Variants in ZNF211 observed in about 807,000 individuals in gnomAD.
ZNF211 encodes the protein zinc finger protein C2H2-25.
Under a neutral mutation model 12.1 loss-of-function variants are expected in ZNF211, and 18 were observed. The observed-to-expected ratio is 1.48, with a 90% CI of 1.03 to 2.20. The LOEUF is 2.20. Ranked by LOEUF, ZNF211 falls within the 30% of genes most tolerant of loss-of-function variation. ZNF211 has a pLI of 0.00. For synonymous variants in ZNF211, 249 were observed against 246.0 expected (o/e 1.01, Z -0.11); for missense variants, 677 against 703.1 (o/e 0.96, Z 0.42).
chr19:57,639,701 C>T (rs949932494), intron 3 of ZNF211, among the ~76,000 whole-genome samples: 2 of 152,006 alleles, frequency 1.3e-5, no homozygotes, highest in African/African-American at 4.8e-5. Flanking sequence ...GCTGAGATTA[C>T]AGGTGTGAGC....
chr19:57,634,758 A>G lies in ZNF211; in HGVS notation c.256+3A>G, dbSNP rs760607844. Reference sequence around the variant, plus strand: ...CTTTGCACTTACGTCCTCCCTGGGTAAGGCCCTCATACTCACCCTTGTGCC... The same window carrying G: ...CTTTGCACTTACGTCCTCCCTGGGTGAGGCCCTCATACTCACCCTTGTGCC... On this transcript the variant is annotated splice_donor_region_variant and intron_variant, in intron 3 of 3. Transcript: ENST00000240731. 2 of 1,588,910 alleles carry G rather than the reference A, an allele frequency of 1.3e-6. No homozygotes were observed. Among genetic ancestry groups the G allele is most frequent in the South Asian group, 2.3e-5 (2 of 87,540 alleles).
Position 57,641,731 on chromosome 19 carries a change from C to G in ZNF211, c.1284C>G (p.His428Gln). The G allele has an allele frequency of 6.2e-7, 1 of 1,613,818 alleles. No homozygotes were observed. Among genetic ancestry groups the G allele is most frequent in the Non-Finnish European group, 8.5e-7 (1 of 1,179,976 alleles). ...SFSRSSSLIH[H>Q]RRLHTGERPY... ...GCCGAAGCTCCAGCCTCATTCACCA[C>G]CGGAGACTTCACACTGGAGAAAGAC... The change falls in exon 4 of 4, where the codon CAC becomes CAG. Residue 428 changes from histidine (H) to glutamine (Q), a missense_variant. By Grantham distance (24) the His-to-Gln change is conservative (BLOSUM62 0). Coordinates refer to ENST00000240731, the MANE Select transcript of ZNF211 (RefSeq NM_006385.5).
intron 3 of ZNF211, among the ~76,000 whole-genome samples, chr19:57,638,303 GTCTTTATTATT>G (rs1455342274): frequency 5.9e-5 from 9 of 151,422 alleles, no homozygotes; most frequent in African/African-American, 1.5e-4. Context: ...CTAGACTTTA[GTCTTTATTATT>G]TTTTTCCTGC....
At chr19:57,634,120 CAGAT>C (rs959431287) in intron 2 of ZNF211, 59 bp downstream of exon 2, 28 of 1,488,058 alleles carry the variant, frequency 1.9e-5, no homozygotes, top group Non-Finnish European at 2.4e-5. Context: ...CCTCCCCAGA[CAGAT>C]ATTTTCTTTA....
Position 57,641,550 on chromosome 19 carries a change from A to AC in ZNF211, c.1105dup (p.Leu369ProfsTer15). On this transcript the variant is annotated frameshift_variant, in exon 4 of 4. Coordinates refer to ENST00000240731, the MANE Select transcript of ZNF211 (RefSeq NM_006385.5). LOFTEE classifies it low-confidence loss of function (END_TRUNC). ...GGGAAATCTTTTAGCCAAAGGTCCA[A>AC]CCTCATGCAGCATCGCAGAGTTCAC... The AC allele has an allele frequency of 6.2e-7, 1 of 1,613,756 alleles. No homozygotes were observed. The highest frequency in any genetic ancestry group is 8.5e-7 in the Non-Finnish European group (1 of 1,179,946).
Position 57,633,866 on chromosome 19 carries a change from A to G in ZNF211, c.91-157A>G, listed in dbSNP as rs770791492. On this transcript the variant is annotated intron_variant, in intron 1 of 3. Transcript: ENST00000240731. Reference sequence around the variant, plus strand: ...AGGTTGAATATTTTTCCAAGGCCACACAACTGGTGAGAGGCAGCACTAAGG... The same window carrying G: ...AGGTTGAATATTTTTCCAAGGCCACGCAACTGGTGAGAGGCAGCACTAAGG... 10 of 1,604,724 alleles carry G rather than the reference A, an allele frequency of 6.2e-6. No individual in the cohort carries two copies. In the Admixed American group the frequency reaches 1.5e-4, roughly 24 times the overall value.
At position 57,641,649 on chromosome 19, in the gene ZNF211, A is replaced by G. The variant is rs1309391708; in HGVS notation, c.1202A>G (p.Gln401Arg). ...FSQNFSLIYHQRVHTGERPHE... is the reference protein window; with the variant it reads ...FSQNFSLIYHRRVHTGERPHE... ...CAAAACTTTAGCCTGATCTACCACC[A>G]GAGAGTTCACACTGGAGAAAGACCT... The change falls in exon 4 of 4, where the codon CAG becomes CGG. Residue 401 changes from glutamine (Q) to arginine (R), a missense_variant. Transcript: ENST00000240731. 1.9e-6 allele frequency: 3 copies of G among 1,613,314 alleles called. No individual in the cohort carries two copies. The highest frequency in any genetic ancestry group is 2.2e-5 in the South Asian group (2 of 90,988).
At position 57,638,591 on chromosome 19, in the gene ZNF211, G is replaced by C. The variant is rs189522663; in HGVS notation, c.257-2113G>C. ...ACCTCATCCCACTGTGGTTGGAGAAGATACTTTGTATGATGTGTGTCTAAA... is the reference window on the plus strand; with the variant it reads ...ACCTCATCCCACTGTGGTTGGAGAACATACTTTGTATGATGTGTGTCTAAA... On this transcript the variant is annotated intron_variant, in intron 3 of 3. Transcript: ENST00000240731. Among the ~76,000 whole-genome samples the C allele has an allele frequency of 2.1e-3, 314 of 152,308 alleles. 4 individuals are homozygous for C. The highest frequency in any genetic ancestry group is 7.3e-3 in the African/African-American group (302 of 41,544).
In ZNF211 at chr19:57,643,790, A is replaced by T. The variant is rs974152134; in HGVS notation, c.*1609A>T. Among the ~76,000 whole-genome samples the T allele has an allele frequency of 1.8e-4, 28 of 152,254 alleles. No individual in the cohort carries two copies. The highest frequency in any genetic ancestry group is 6.5e-4 in the African/African-American group (27 of 41,534). ...GCCCTCAAGGCAACCATTGATTTAT[A>T]CCTTCATTTATAATAGGTTTGTTTG... On this transcript the variant is annotated 3_prime_UTR_variant, in exon 4 of 4. Coordinates refer to ENST00000240731, the MANE Select transcript of ZNF211 (RefSeq NM_006385.5).
At chr19:57,634,986 C>G (rs1478130654) in intron 3 of ZNF211, 1 of 984,156 alleles carries the variant, frequency 1.0e-6, no homozygotes, top group Non-Finnish European at 1.2e-6. Context: ...ATAGATCCCA[C>G]CTGACTTGCC....
chr19:57,642,446 T>G lies in ZNF211; in HGVS notation c.*265T>G, dbSNP rs1983104344. On this transcript the variant is annotated 3_prime_UTR_variant, in exon 4 of 4. Transcript: ENST00000240731. ...CGTATCATGTCTACCACCTGTGAGGTCCACACAGTGTGTATCATTTACCTC... is the reference window on the plus strand; with the variant it reads ...CGTATCATGTCTACCACCTGTGAGGGCCACACAGTGTGTATCATTTACCTC... 1 of 433,320 alleles carries G rather than the reference T, an allele frequency of 2.3e-6. No individual in the cohort carries two copies. The highest frequency in any genetic ancestry group is 4.1e-6 in the Non-Finnish European group (1 of 241,182). 26.8% of individuals were successfully genotyped at this position (433,320 alleles called of 1,614,324 possible).
At chr19:57,637,308 A>G in intron 3 of ZNF211, among the ~76,000 whole-genome samples, 1 of 149,402 alleles carries the variant, frequency 6.7e-6, no homozygotes, top group East Asian at 2.0e-4. Flanking sequence ...TTTTTTTTGC[A>G]TATGGATTTT....
Position 57,641,781 on chromosome 19 carries a change from A to C in ZNF211, c.1334A>C (p.Lys445Thr). The change falls in exon 4 of 4, where the codon AAG (lysine) becomes ACG (threonine). Residue 445 changes from lysine to threonine, a missense_variant. Coordinates refer to ENST00000240731, the MANE Select transcript of ZNF211 (RefSeq NM_006385.5). ...ERPYECSKCG[K>T]SFKQSSSFSS... Reference sequence around the variant, plus strand: ...CCCTATGAGTGCAGTAAATGTGGGAAGTCATTTAAGCAAAGCTCCAGCTTC... The same window carrying C: ...CCCTATGAGTGCAGTAAATGTGGGACGTCATTTAAGCAAAGCTCCAGCTTC... The C allele has an allele frequency of 1.2e-6, 2 of 1,614,074 alleles. No individual in the cohort carries two copies. Among genetic ancestry groups the C allele is most frequent in the South Asian group, 2.2e-5 (2 of 91,076 alleles).
At chr19:57,639,138 T>C (rs935954153) in intron 3 of ZNF211, among the ~76,000 whole-genome samples, 2 of 152,104 alleles carry the variant, frequency 1.3e-5, no homozygotes, top group East Asian at 3.9e-4. Flanking sequence ...AGTTGGATCA[T>C]GGGTTGTTTT....
chr19:57,641,519 G>T lies in ZNF211; in HGVS notation c.1072G>T (p.Glu358Ter), dbSNP rs769749774. The T allele has an allele frequency of 6.2e-7, 1 of 1,614,112 alleles. No homozygotes were observed. The highest frequency in any genetic ancestry group is 1.7e-5 in the Admixed American group (1 of 60,010). Residue 358 changes from glutamate to a stop codon, truncating the protein, a stop_gained, in exon 4 of 4, where the codon GAA becomes TAA. Transcript: ENST00000240731. LOFTEE classifies it low-confidence loss of function (END_TRUNC). The part of the protein sequence containing the change: ...HTGERPYECG[E>*]CGKSFSQRSN... ...TGGAGAAAGGCCTTATGAATGTGGG[G>T]AATGTGGGAAATCTTTTAGCCAAAG...
chr19:57,639,215 A>G (rs1208135322), intron 3 of ZNF211, among the ~76,000 whole-genome samples: 2 of 151,874 alleles, frequency 1.3e-5, no homozygotes, highest in East Asian at 1.9e-4. Context: ...GGAGCATTTA[A>G]GGCATTTACG....
chr19:57,641,453 A>G lies in ZNF211; in HGVS notation c.1006A>G (p.Ser336Gly). 1 of 1,611,000 alleles carries G rather than the reference A, an allele frequency of 6.2e-7. No individual in the cohort carries two copies. Among genetic ancestry groups the G allele is most frequent in the Non-Finnish European group, 8.5e-7 (1 of 1,177,888 alleles). Residue 336 changes from serine (S) to glycine (G), a missense_variant, in exon 4 of 4, where the codon AGT becomes GGT. By Grantham distance (56) the Ser-to-Gly change is moderately conservative. Coordinates refer to ENST00000240731, the MANE Select transcript of ZNF211 (RefSeq NM_006385.5). Reference protein sequence around the residue: ...YACPECGKSFSQIYSLNSHRK... With the variant: ...YACPECGKSFGQIYSLNSHRK... ...GTGCCCTGAATGTGGGAAATCGTTT[A>G]GTCAGATATACAGCCTCAATAGCCA...
rs1981682840 is a variant in ZNF211 at position 57,633,395 on chromosome 19, C to T, written c.49C>T (p.Pro17Ser). The T allele has an allele frequency of 1.2e-6, 2 of 1,605,074 alleles. No homozygotes were observed. The highest frequency in any genetic ancestry group is 1.1e-5 in the South Asian group (1 of 90,436). The change falls in exon 1 of 4, where the codon CCA becomes TCA. Residue 17 changes from proline (P) to serine (S), a missense_variant. Physicochemically the swap from Pro to Ser is moderately conservative, Grantham distance 74 (BLOSUM62 -1). Coordinates refer to ENST00000240731, the MANE Select transcript of ZNF211 (RefSeq NM_006385.5). ...GRPQLPVQLR[P>S]QTRMATALRD... Reference sequence around the variant, plus strand: ...CCCGCAGCTCCCGGTCCAGCTCCGCCCACAGACTCGGATGGCGACCGCACT... The same window carrying T: ...CCCGCAGCTCCCGGTCCAGCTCCGCTCACAGACTCGGATGGCGACCGCACT...
chr19:57,643,673 A>T lies in ZNF211; in HGVS notation c.*1492A>T, dbSNP rs1983213723. 6.6e-6 allele frequency among the ~76,000 whole-genome samples: 1 copy of T among 152,172 alleles called. No individual in the cohort carries two copies. Among genetic ancestry groups the T allele is most frequent in the Admixed American group, 6.5e-5 (1 of 15,282 alleles). ...AGGGTTACCAAACCTAGTCAAAAAC[A>T]CATTATACCATCATTATAATTATTA... On this transcript the variant is annotated 3_prime_UTR_variant, in exon 4 of 4. Coordinates refer to ENST00000240731, the MANE Select transcript of ZNF211 (RefSeq NM_006385.5).
Sources: allele counts gnomAD v4.1 joint callset (sites outside exome capture counted in the v4.1 genomes callset), GRCh38; gene constraint gnomAD v4.1.1; transcripts MANE v1.5; gene names NCBI Gene and HGNC (gene_info 2026-07-23, HGNC 2026-07-21).